PDE4B: variants seen among roughly 807,000 people sequenced by gnomAD.
The protein encoded by PDE4B is 3',5'-cyclic-AMP phosphodiesterase 4B.
PDE4B carries 20 observed loss-of-function variants against 82.2 expected under a neutral mutation model. The observed-to-expected ratio is 0.24, with a 90% CI of 0.17 to 0.35. PDE4B has a LOEUF of 0.35. PDE4B is among the 10% of genes least tolerant of loss of function. The pLI, the probability that PDE4B is intolerant of heterozygous loss-of-function variation, is 1.00. For synonymous variants in PDE4B, 320 were observed against 318.9 expected (o/e 1.00, Z -0.04); for missense variants, 655 against 907.2 (o/e 0.72, Z 3.57).
At chr1:65,910,087 G>T (rs1039949389) in intron 1 of PDE4B, among the ~76,000 whole-genome samples, 1 of 152,192 alleles carries the variant, frequency 6.6e-6, no homozygotes. Flanking sequence ...CTGTTCCCAA[G>T]AAATGATTCC....
intron 3 of PDE4B, among the ~76,000 whole-genome samples, chr1:66,215,375 T>C (rs553962390): frequency 2.6e-5 from 4 of 152,150 alleles, no homozygotes; most frequent in Admixed American, 6.6e-5. Context: ...AGTAACATAA[T>C]GCCAAGATGT....
At chr1:66,239,281 A>C (rs1244033002) in intron 3 of PDE4B, among the ~76,000 whole-genome samples, 1 of 152,160 alleles carries the variant, frequency 6.6e-6, no homozygotes, top group Admixed American at 6.5e-5. Flanking sequence ...CTCAAAGTGC[A>C]CCCTGGGGCA....
chr1:65,960,564 G>A (rs1224475855), intron 3 of PDE4B, among the ~76,000 whole-genome samples: 3 of 152,022 alleles, frequency 2.0e-5, no homozygotes, highest in African/African-American at 7.2e-5. Flanking sequence ...GATTCCCTGA[G>A]CCTCAGATTC....
chr1:66,368,861 A>G lies in PDE4B; in HGVS notation c.1737A>G (p.Thr579=), dbSNP rs1663451709. The part of the protein sequence containing the change: ...TKSLELYRQW[T]DRIMEEFFQQ... ...CCTTGGAATTGTATCGGCAATGGAC[A>G]GACCGCATCATGGAGGAATTTTTCC... Residue 579 remains threonine (T), a synonymous_variant, in exon 16 of 17, where the codon ACA becomes ACG. Transcript: ENST00000341517. 6.2e-7 allele frequency: 1 copy of G among 1,613,492 alleles called. No homozygotes were observed. The highest frequency in any genetic ancestry group is 8.5e-7 in the Non-Finnish European group (1 of 1,179,664).
chr1:66,317,749 T>A (rs1468401123), intron 7 of PDE4B, among the ~76,000 whole-genome samples: 1 of 151,990 alleles, frequency 6.6e-6, no homozygotes, highest in Non-Finnish European at 1.5e-5. Flanking sequence ...AATTTAAAAA[T>A]CAGCCAGGCA....
At chr1:66,148,822 G>A (rs530271070) in intron 3 of PDE4B, among the ~76,000 whole-genome samples, 9 of 152,122 alleles carry the variant, frequency 5.9e-5, no homozygotes, top group Non-Finnish European at 1.0e-4. Context: ...TATTCATGTA[G>A]CATGTACCTG....
chr1:66,331,812 C>T, intron 7 of PDE4B: 1 of 985,374 alleles, frequency 1.0e-6, no homozygotes, highest in Non-Finnish European at 1.2e-6. Context: ...AAACTCCAGA[C>T]AGCTTCTTTT....
chr1:65,967,690 TA>T (rs931434709), intron 3 of PDE4B, among the ~76,000 whole-genome samples: 1 of 151,928 alleles, frequency 6.6e-6, no homozygotes, highest in Non-Finnish European at 1.5e-5. Context: ...TACGCAGCCA[TA>T]AAAAAGGATG....
intron 3 of PDE4B, among the ~76,000 whole-genome samples, chr1:66,097,207 C>G (rs188775387): frequency 3.2e-4 from 49 of 152,194 alleles, no homozygotes; most frequent in South Asian, 6.2e-4. Context: ...TAATACTTTA[C>G]ATCTCCACTA....
intron 3 of PDE4B, among the ~76,000 whole-genome samples, chr1:66,010,519 T>C (rs919876646): frequency 9.9e-5 from 15 of 151,728 alleles, no homozygotes; most frequent in Non-Finnish European, 1.9e-4. Flanking sequence ...TTTATAGTTG[T>C]GAAGATTTAG....
chr1:66,030,609 A>C (rs1408814905), intron 3 of PDE4B, among the ~76,000 whole-genome samples: 1 of 152,184 alleles, frequency 6.6e-6, no homozygotes. Flanking sequence ...GCAATCCACT[A>C]CTGGGTATAT....
intron 1 of PDE4B, among the ~76,000 whole-genome samples, chr1:65,835,676 C>T (rs1248083395): frequency 6.6e-6 from 1 of 152,188 alleles, no homozygotes; most frequent in Admixed American, 6.5e-5. Flanking sequence ...TTTCTGAGGA[C>T]ATTTGCACTG....
intron 7 of PDE4B, among the ~76,000 whole-genome samples, chr1:66,327,547 T>A (rs1659827752): frequency 1.3e-5 from 2 of 152,240 alleles, no homozygotes; most frequent in South Asian, 4.1e-4. Context: ...ATATATTTAA[T>A]ACTAAAAGGT....
intron 3 of PDE4B, among the ~76,000 whole-genome samples, chr1:65,977,417 A>G (rs1650465929): frequency 6.6e-6 from 1 of 152,242 alleles, no homozygotes; most frequent in Non-Finnish European, 1.5e-5. Flanking sequence ...CATTGAGAGC[A>G]TCATTACTAG....
At chr1:66,097,479 G>T (rs1645139592) in intron 3 of PDE4B, among the ~76,000 whole-genome samples, 1 of 151,952 alleles carries the variant, frequency 6.6e-6, no homozygotes, top group Non-Finnish European at 1.5e-5. Flanking sequence ...AGTTGAAAGG[G>T]TGAAGTTATT....
intron 3 of PDE4B, among the ~76,000 whole-genome samples, chr1:66,203,600 A>G (rs145329393): frequency 3.4e-4 from 52 of 151,760 alleles, no homozygotes; most frequent in Non-Finnish European, 5.7e-4. Context: ...CATTCATTTC[A>G]TCTTCCATCA....
chr1:66,231,130 C>G lies in PDE4B; in HGVS notation c.282-16330C>G, dbSNP rs531915900. On this transcript the variant is annotated intron_variant, in intron 3 of 16. Coordinates refer to ENST00000341517, the MANE Select transcript of PDE4B (RefSeq NM_002600.4). ...TGTCTAGAGTAGAATGGTCATGATTCAGAATATAATTTTTTAAAACATATT... is the reference window on the plus strand; with the variant it reads ...TGTCTAGAGTAGAATGGTCATGATTGAGAATATAATTTTTTAAAACATATT... Among the ~76,000 whole-genome samples, 13 of 151,496 alleles carry G rather than the reference C, an allele frequency of 8.6e-5. No individual in the cohort carries two copies. In the South Asian group the frequency reaches 2.7e-3, roughly 32 times the overall value.
intron 7 of PDE4B, chr1:66,331,790 C>G (rs1436294587): frequency 1.0e-6 from 1 of 985,290 alleles, no homozygotes; most frequent in Non-Finnish European, 1.2e-6. Context: ...GGCCAATAAA[C>G]GTGTTCACGT....
At chr1:65,988,520 T>A (rs1022118051) in intron 3 of PDE4B, among the ~76,000 whole-genome samples, 2 of 152,112 alleles carry the variant, frequency 1.3e-5, no homozygotes, top group African/African-American at 4.8e-5. Context: ...TAGAGTCTAA[T>A]GGTTGTGTGT....
Sources: gnomAD v4.1 joint callset for allele counts (sites outside exome capture counted in the v4.1 genomes callset) on GRCh38, gnomAD v4.1.1 for gene constraint, MANE v1.5 for transcripts, NCBI Gene and HGNC (gene_info 2026-07-23, HGNC 2026-07-21) for gene names.